Variants in ATP6V1B1 observed in about 807,000 individuals in gnomAD.
The protein encoded by ATP6V1B1 is V-type proton ATPase subunit B, kidney isoform.
A neutral mutation model predicts 62.1 loss-of-function variants in ATP6V1B1; 41 were observed. The observed-to-expected ratio is 0.66, with a 90% CI of 0.51 to 0.86. ATP6V1B1 has a LOEUF of 0.86. ATP6V1B1 is among the 40% of genes least tolerant of loss of function. The pLI, the probability that ATP6V1B1 is intolerant of heterozygous loss-of-function variation, is 0.00. For synonymous variants in ATP6V1B1, 253 were observed against 273.4 expected (o/e 0.93, Z 0.74); for missense variants, 651 against 697.5 (o/e 0.93, Z 0.75).
In ATP6V1B1 at chr2:70,951,265, G is replaced by A. The variant is rs562389983; in HGVS notation, c.175-6781G>A. 7.2e-5 allele frequency among the ~76,000 whole-genome samples: 11 copies of A among 152,090 alleles called. No individual in the cohort carries two copies. The East Asian group carries it at 1.7e-3, about 24-fold the overall frequency. On this transcript the variant is annotated intron_variant, in intron 2 of 13. Transcript: ENST00000234396. The stretch of plus-strand genomic sequence containing the variant: ...GCCTTCCTGAATCTTTTGAGGGTAC[G>A]CTAAGCTCAAGTACTTCAGTGTATA...
chr2:70,943,759 G>C, intron 2 of ATP6V1B1, 46 bp downstream of exon 2: 1 of 1,608,634 alleles, frequency 6.2e-7, no homozygotes. Context: ...CAAATCCCAG[G>C]GCGCCTCTCC....
At chr2:70,943,032 A>G (rs1553416636) in intron 1 of ATP6V1B1, among the ~76,000 whole-genome samples, 2 of 152,138 alleles carry the variant, frequency 1.3e-5, no homozygotes, top group African/African-American at 4.8e-5. Context: ...TGCAGCTGCC[A>G]CATCTGCAGG....
chr2:70,950,697 C>A (rs1211437990), intron 2 of ATP6V1B1, among the ~76,000 whole-genome samples: 6 of 152,024 alleles, frequency 3.9e-5, no homozygotes, highest in Non-Finnish European at 7.4e-5. Context: ...TAAACCAGAA[C>A]CTCTTGAGTC....
intron 1 of ATP6V1B1, among the ~76,000 whole-genome samples, chr2:70,942,951 T>A (rs1680039139): frequency 1.3e-5 from 2 of 151,956 alleles, no homozygotes; most frequent in Admixed American, 1.3e-4. Flanking sequence ...TCTATGGGAG[T>A]TAGGAAGTAT....
At position 70,953,344 on chromosome 2, in the gene ATP6V1B1, G is replaced by T. The variant is rs549052448; in HGVS notation, c.175-4702G>T. On this transcript the variant is annotated intron_variant, in intron 2 of 13. Transcript: ENST00000234396. ...TTTCCTGTTTTCAAAGAGTACTTTT[G>T]TTCTTTTTTGTTTTGGTTTTAATCA... Among the ~76,000 whole-genome samples the T allele has an allele frequency of 2.0e-5, 3 of 151,998 alleles. No individual in the cohort carries two copies. In the East Asian group the frequency reaches 5.8e-4, roughly 29 times the overall value.
chr2:70,954,776 C>A (rs1553418782), intron 2 of ATP6V1B1, among the ~76,000 whole-genome samples: 2 of 152,158 alleles, frequency 1.3e-5, no homozygotes. Flanking sequence ...AGCCACTGTG[C>A]CTGGCCCCAT....
chr2:70,964,039 GCTAA>G (rs1465149290), intron 11 of ATP6V1B1: 7 of 418,132 alleles, frequency 1.7e-5, no homozygotes, highest in Non-Finnish European at 2.7e-5. Flanking sequence ...GAAAACAACG[GCTAA>G]CTAACACACA....
intron 2 of ATP6V1B1, among the ~76,000 whole-genome samples, chr2:70,946,789 A>G (rs922050429): frequency 6.6e-6 from 1 of 152,116 alleles, no homozygotes; most frequent in Non-Finnish European, 1.5e-5. Context: ...CATGGGACCC[A>G]GTGTGGCATG....
chr2:70,940,341 C>T, intron 1 of ATP6V1B1: 1 of 831,206 alleles, frequency 1.2e-6, no homozygotes, highest in Non-Finnish European at 1.5e-6. Flanking sequence ...CCCTCCCACA[C>T]CCCCACCTCC....
At chr2:70,945,557 T>C (rs548850696) in intron 2 of ATP6V1B1, among the ~76,000 whole-genome samples, 2 of 151,796 alleles carry the variant, frequency 1.3e-5, no homozygotes, top group Non-Finnish European at 2.9e-5. Context: ...CACACAATAA[T>C]TGTACATATT....
At chr2:70,962,556 C>A (rs1553420264) in intron 8 of ATP6V1B1, among the ~76,000 whole-genome samples, 1 of 152,196 alleles carries the variant, frequency 6.6e-6, no homozygotes, top group Admixed American at 6.5e-5. Flanking sequence ...GCCCCTGTCC[C>A]CTTTCCTACC....
At chr2:70,946,401 C>T (rs1201692310) in intron 2 of ATP6V1B1, among the ~76,000 whole-genome samples, 1 of 152,132 alleles carries the variant, frequency 6.6e-6, no homozygotes, top group Non-Finnish European at 1.5e-5. Flanking sequence ...TACATGCCAA[C>T]CCTAGATCAA....
Position 70,959,160 on chromosome 2 carries a change from G to A in ATP6V1B1, c.445+65G>A. ...CCTAACACCTTCCCCACTCTTGGAAGTTCTGCCCAGACTCACAAGCAGATC... is the reference window on the plus strand; with the variant it reads ...CCTAACACCTTCCCCACTCTTGGAAATTCTGCCCAGACTCACAAGCAGATC... On this transcript the variant is annotated intron_variant, in intron 5 of 13. Coordinates refer to ENST00000234396, the MANE Select transcript of ATP6V1B1 (RefSeq NM_001692.4). The surrounding 1 kb of genome is among the most constrained non-coding windows in gnomAD (Gnocchi z 4.2). 1 of 1,546,380 alleles carries A rather than the reference G, an allele frequency of 6.5e-7. No homozygotes were observed. The highest frequency in any genetic ancestry group is 8.9e-7 in the Non-Finnish European group (1 of 1,120,938).
chr2:70,937,952 TC>T (rs1181512683), intron 1 of ATP6V1B1, among the ~76,000 whole-genome samples: 2 of 152,078 alleles, frequency 1.3e-5, no homozygotes, highest in African/African-American at 4.8e-5. Flanking sequence ...CATGCTTCCC[TC>T]GATGCTGGCT....
At position 70,943,644 on chromosome 2, in the gene ATP6V1B1, C is replaced by G; in HGVS notation, c.119-14C>G. 2 of 1,612,828 alleles carry G rather than the reference C, an allele frequency of 1.2e-6. No homozygotes were observed. The highest frequency in any genetic ancestry group is 1.7e-6 in the Non-Finnish European group (2 of 1,179,562). On this transcript the variant is annotated splice_polypyrimidine_tract_variant and intron_variant, in intron 1 of 13. Transcript: ENST00000234396. ...TTGGGGTGAGACCCCTACTCACCCC[C>G]GCCCCTCCCCCAGCCTACAGGACTG...
chr2:70,964,603 G>T (rs1680673575), intron 12 of ATP6V1B1, 61 bp downstream of exon 12: 5 of 1,610,012 alleles, frequency 3.1e-6, no homozygotes, highest in Middle Eastern at 1.6e-4. Context: ...GAAGGCCTGA[G>T]CCCCATCTGA....
chr2:70,962,777 G>A lies in ATP6V1B1; in HGVS notation c.786G>A (p.Thr262=), dbSNP rs1243856084. 11 of 1,613,624 alleles carry A rather than the reference G, an allele frequency of 6.8e-6. No homozygotes were observed. The highest frequency in any genetic ancestry group is 4.0e-5 in the African/African-American group (3 of 74,916). The change falls in exon 9 of 14, where the codon ACG becomes ACA. Residue 262 remains threonine (T), a splice_region_variant and synonymous_variant. Transcript: ENST00000234396. ...TCTAAACACCTGGCTACACCTCCAG[G>A]ATCGAGCGGATCATCACCCCGCGCC... The part of the protein sequence containing the change: ...CLFLNLANDP[T]IERIITPRLA...
Position 70,960,994 on chromosome 2 carries a change from A to G in ATP6V1B1, c.659A>G (p.Asn220Ser), listed in dbSNP as rs1287143880. 6.2e-7 allele frequency: 1 copy of G among 1,600,174 alleles called. No individual in the cohort carries two copies. The highest frequency in any genetic ancestry group is 1.3e-5 in the African/African-American group (1 of 74,660). ...GCTGTGCTGGATTACCATGACGACA[A>G]CTTCGCCATCGTCTTTGCAGCCATG... ...SKAVLDYHDD[N>S]FAIVFAAMGV... is the part of the protein sequence containing the mutation. The change falls in exon 7 of 14, where the codon AAC becomes AGC. Residue 220 changes from asparagine to serine, a missense_variant. Physicochemically the swap from Asn to Ser is conservative, Grantham distance 46 (BLOSUM62 1). Transcript: ENST00000234396.
At chr2:70,937,899 C>A (rs1286890048) in intron 1 of ATP6V1B1, among the ~76,000 whole-genome samples, 5 of 152,122 alleles carry the variant, frequency 3.3e-5, no homozygotes, top group African/African-American at 1.2e-4. Flanking sequence ...GGTTCTGACC[C>A]AGGCTGGAAC....
Sources: allele counts gnomAD v4.1 joint callset (sites outside exome capture counted in the v4.1 genomes callset), GRCh38; gene constraint gnomAD v4.1.1; non-coding constraint Gnocchi (gnomAD v3.1); transcripts MANE v1.5; gene names NCBI Gene and HGNC (gene_info 2026-07-23, HGNC 2026-07-21).